Variants in CIAPIN1 observed in about 807,000 individuals in gnomAD.
The protein encoded by CIAPIN1 is anamorsin.
A neutral mutation model predicts 34.3 loss-of-function variants in CIAPIN1; 18 were observed. The ratio of observed to expected loss-of-function variants is 0.52; its 90% CI spans 0.36 to 0.78. The LOEUF (loss-of-function observed/expected upper bound fraction) is 0.78, where lower values mean the gene tolerates loss of function less well. CIAPIN1 is among the 30% of genes least tolerant of loss of function. The pLI is 0.00. For missense variants in CIAPIN1, 310 were observed against 372.5 expected (o/e 0.83, Z 1.38); for synonymous variants, 131 against 140.4 (o/e 0.93, Z 0.47).
chr16:57,431,055 G>A (rs1234129917), intron 7 of CIAPIN1, 96 bp downstream of exon 7: 2 of 678,654 alleles, frequency 2.9e-6, no homozygotes, highest in African/African-American at 3.6e-5. Context: ...GCCCAGCCTG[G>A]AAAATGTATG....
Position 57,429,166 on chromosome 16 carries a change from C to A in CIAPIN1, c.*4G>T. The A allele has an allele frequency of 1.2e-6, 2 of 1,605,732 alleles. No individual in the cohort carries two copies. Among genetic ancestry groups the A allele is most frequent in the East Asian group, 2.2e-5 (1 of 44,820 alleles). On this transcript the variant is annotated 3_prime_UTR_variant, in exon 9 of 9. Transcript: ENST00000394391. ...GAGCAGATGGGTCCCATGTCAGGAA[C>A]CTCCTAGGCATCATGAAGATTGCTA...
At chr16:57,437,512 T>TTTA (rs145423746) in intron 3 of CIAPIN1, among the ~76,000 whole-genome samples, 4,627 of 150,034 alleles carry the variant, frequency 0.031, 102 homozygotes, top group East Asian at 0.081. Flanking sequence ...GTGATATTAT[T>TTTA]TTATTATTAT....
rs1024328742 is a variant in CIAPIN1 at position 57,440,868 on chromosome 16, G to C, written c.61C>G (p.Pro21Ala). 22 of 1,613,918 alleles carry C rather than the reference G, an allele frequency of 1.4e-5. No homozygotes were observed. Among genetic ancestry groups the C allele is most frequent in the Admixed American group, 1.7e-5 (1 of 59,984 alleles). ...ACCAGACCTTTCAGAGCCTCCACTG[G>C]GGATGACTTATCCCAGACCACTGCC... ...FVAVVWDKSS[P>A]VEALKGLVDK... The change falls in exon 2 of 9, where the codon CCA becomes GCA. Residue 21 changes from proline (P) to alanine (A), a missense_variant. By Grantham distance (27) the Pro-to-Ala change is conservative. Coordinates refer to ENST00000394391, the MANE Select transcript of CIAPIN1 (RefSeq NM_020313.4).
rs1168547443 is a variant in CIAPIN1 at position 57,428,833 on chromosome 16, T to C, written c.*337A>G. The C allele has an allele frequency of 9.3e-6, 2 of 216,174 alleles. No individual in the cohort carries two copies. The highest frequency in any genetic ancestry group is 9.3e-6 in the Non-Finnish European group (1 of 108,062). The allele number at this position is 216,174 out of a possible 1,614,324, so 13.4% of individuals were successfully genotyped here. On this transcript the variant is annotated 3_prime_UTR_variant, in exon 9 of 9. Coordinates refer to ENST00000394391, the MANE Select transcript of CIAPIN1 (RefSeq NM_020313.4). ...AGGGGTCTGCAGCTCTGTCACAGAG[T>C]GTTAATGCTCAACGATGCCTGGGCT...
chr16:57,445,938 G>A (rs959207004), intron 1 of CIAPIN1, among the ~76,000 whole-genome samples: 4 of 145,544 alleles, frequency 2.7e-5, no homozygotes, highest in Admixed American at 1.4e-4. Context: ...CTCCGACTCC[G>A]GGGTTCAAGC....
chr16:57,437,536 ATTT>A (rs1331637736), intron 3 of CIAPIN1, among the ~76,000 whole-genome samples: 1 of 151,084 alleles, frequency 6.6e-6, no homozygotes, highest in East Asian at 1.9e-4. Context: ...TATTATTATT[ATTT>A]TTGAGACAGG....
chr16:57,437,512 T>A (rs1567572278), intron 3 of CIAPIN1, among the ~76,000 whole-genome samples: 2 of 150,060 alleles, frequency 1.3e-5, no homozygotes, highest in Admixed American at 1.3e-4. Flanking sequence ...GTGATATTAT[T>A]TTATTATTAT....
chr16:57,436,560 T>C (rs1903204495), intron 4 of CIAPIN1, 96 bp downstream of exon 4: 1 of 896,962 alleles, frequency 1.1e-6, no homozygotes, highest in Non-Finnish European at 1.7e-6. Context: ...TGAAGCATCA[T>C]GTATCTTACA....
At position 57,430,262 on chromosome 16, in the gene CIAPIN1, C is replaced by G. The variant is rs1567569476; in HGVS notation, c.824G>C (p.Gly275Ala). Residue 275 changes from glycine to alanine, a missense_variant, in exon 8 of 9, where the codon GGA (glycine) becomes GCA (alanine). Gly to Ala is a moderately conservative substitution (Grantham distance 60). Coordinates refer to ENST00000394391, the MANE Select transcript of CIAPIN1 (RefSeq NM_020313.4). ...QMSSQPKSAC[G>A]NCYLGDAFRC... is the part of the protein sequence containing the mutation. ...AGGAATGATCCTGATATTTACGTTT[C>G]CACAAGCTGACTTGGGTTGGGAGCT... 6.2e-7 allele frequency: 1 copy of G among 1,614,084 alleles called. No individual in the cohort carries two copies. The highest frequency in any genetic ancestry group is 1.1e-5 in the South Asian group (1 of 91,082).
Position 57,447,373 on chromosome 16 carries a change from C to A in CIAPIN1, c.-87G>T. 1.1e-6 allele frequency: 1 copy of A among 871,568 alleles called. No homozygotes were observed. The highest frequency in any genetic ancestry group is 3.6e-4 in the Middle Eastern group (1 of 2,750). The allele number at this position is 871,568 out of a possible 1,614,324, so 54.0% of individuals were successfully genotyped here. ...CCTGGGCTCGCTCCCGGCTTCTCTCCAGCCGTCGACTCCACGCCTTGCGCC... is the reference window on the plus strand; with the variant it reads ...CCTGGGCTCGCTCCCGGCTTCTCTCAAGCCGTCGACTCCACGCCTTGCGCC... On this transcript the variant is annotated 5_prime_UTR_variant, in exon 1 of 9. Coordinates refer to ENST00000394391, the MANE Select transcript of CIAPIN1 (RefSeq NM_020313.4).
intron 6 of CIAPIN1, 133 bp from the exon 7 acceptor site, chr16:57,431,399 G>C: frequency 5.2e-6 from 3 of 575,224 alleles, no homozygotes; most frequent in Non-Finnish European, 9.3e-6. Flanking sequence ...CCTTTTGGTT[G>C]ATCATCATGT....
At chr16:57,429,555 G>A (rs538245253) in intron 8 of CIAPIN1, among the ~76,000 whole-genome samples, 37 of 151,766 alleles carry the variant, frequency 2.4e-4, no homozygotes, top group South Asian at 1.5e-3. Context: ...GCAGTGGCGC[G>A]ATCTCAGCTC....
intron 8 of CIAPIN1, among the ~76,000 whole-genome samples, 198 bp from the exon 9 acceptor site, chr16:57,429,478 T>C (rs1196449013): frequency 1.3e-5 from 2 of 152,038 alleles, no homozygotes; most frequent in African/African-American, 4.8e-5. Context: ...AAAAGTTCCC[T>C]AGGAGGCCAT....
chr16:57,431,079 A>G, intron 7 of CIAPIN1, 72 bp downstream of exon 7: 1 of 834,358 alleles, frequency 1.2e-6, no homozygotes, highest in Non-Finnish European at 2.0e-6. Flanking sequence ...TAAAAATAGT[A>G]CAGCACCGCG....
At chr16:57,440,294 G>A (rs543895134) in intron 2 of CIAPIN1, among the ~76,000 whole-genome samples, 164 of 152,216 alleles carry the variant, frequency 1.1e-3, no homozygotes, top group Non-Finnish European at 1.6e-3. Context: ...ATGCGTGCCC[G>A]AAACTTTATT....
At chr16:57,431,362 G>C in intron 6 of CIAPIN1, 96 bp from the exon 7 acceptor site, 1 of 741,400 alleles carries the variant, frequency 1.3e-6, no homozygotes, top group Non-Finnish European at 2.3e-6. Flanking sequence ...TTGGAGTCCA[G>C]GGTAAAGAAG....
intron 4 of CIAPIN1, among the ~76,000 whole-genome samples, chr16:57,436,202 T>C (rs1030285996): frequency 8.5e-5 from 13 of 152,148 alleles, no homozygotes; most frequent in Non-Finnish European, 4.4e-5. Context: ...TCTTTGAAGT[T>C]GGTTATTCTC....
intron 3 of CIAPIN1, among the ~76,000 whole-genome samples, chr16:57,436,950 G>A (rs552436089): frequency 1.3e-5 from 2 of 151,930 alleles, no homozygotes; most frequent in Non-Finnish European, 2.9e-5. Context: ...GCAAAATCCC[G>A]TCTCTACTAA....
In CIAPIN1 at chr16:57,429,283, G is replaced by A. The variant is rs768996059; in HGVS notation, c.829-3C>T. The stretch of plus-strand genomic sequence containing the variant: ...CGGAAGGCATCGCCCAGGTAGCACT[G>A]GAGAGAGAGAATGGGGAAGCCAAGG... On this transcript the variant is annotated splice_region_variant and splice_polypyrimidine_tract_variant and intron_variant, in intron 8 of 8. Transcript: ENST00000394391. 6 of 1,606,062 alleles carry A rather than the reference G, an allele frequency of 3.7e-6. No individual in the cohort carries two copies. Among genetic ancestry groups the A allele is most frequent in the Non-Finnish European group, 5.1e-6 (6 of 1,172,792 alleles).
Sources: gnomAD v4.1 joint callset for allele counts (sites outside exome capture counted in the v4.1 genomes callset) on GRCh38, gnomAD v4.1.1 for gene constraint, MANE v1.5 for transcripts, NCBI Gene and HGNC (gene_info 2026-07-23, HGNC 2026-07-21) for gene names.